Variants in CAB39L observed in about 807,000 individuals in gnomAD.
CAB39L encodes calcium binding protein 39 like, also known as calcium-binding protein 39-like.
Under a neutral mutation model 39.1 loss-of-function variants are expected in CAB39L, and 23 were observed. The ratio of observed to expected loss-of-function variants is 0.59; its 90% CI spans 0.42 to 0.83. The LOEUF is 0.83. Among genes scored for constraint, CAB39L ranks in the 40% least tolerant of loss-of-function variants. The pLI is 0.00. For synonymous variants in CAB39L, 126 were observed against 137.2 expected (o/e 0.92, Z 0.57); for missense variants, 366 against 391.9 (o/e 0.93, Z 0.56).
rs565776897 is a variant in CAB39L at position 49,385,966 on chromosome 13, T to C, written c.-31-3025A>G. 5.3e-5 allele frequency among the ~76,000 whole-genome samples: 8 copies of C among 152,148 alleles called. No homozygotes were observed. In the East Asian group the frequency reaches 1.4e-3, roughly 26 times the overall value. ...GGTGAAAAAAATGGCACCAATAGAC[T>C]TCCTCAATGCAGGGTTGCCATAAAC... On this transcript the variant is annotated intron_variant, in intron 3 of 10. Transcript: ENST00000409308.
At chr13:49,411,880 A>T (rs895898906) in intron 3 of CAB39L, among the ~76,000 whole-genome samples, 3 of 152,168 alleles carry the variant, frequency 2.0e-5, no homozygotes, top group African/African-American at 7.2e-5. Context: ...TTTTGGGTTA[A>T]ATGAAGGTTA....
intron 3 of CAB39L, among the ~76,000 whole-genome samples, chr13:49,406,605 C>T (rs1172845471): frequency 1.3e-5 from 2 of 151,884 alleles, no homozygotes; most frequent in Non-Finnish European, 2.9e-5. Flanking sequence ...TAAATATATA[C>T]ACCTACTATG....
intron 3 of CAB39L, among the ~76,000 whole-genome samples, chr13:49,409,206 G>A (rs1453095112): frequency 6.6e-6 from 1 of 152,090 alleles, no homozygotes; most frequent in Non-Finnish European, 1.5e-5. Context: ...AGCCCTTCCG[G>A]GAAACTGGTA....
intron 3 of CAB39L, among the ~76,000 whole-genome samples, chr13:49,421,186 T>C (rs542730206): frequency 7.2e-4 from 109 of 152,212 alleles, no homozygotes; most frequent in African/African-American, 2.5e-3. Context: ...GCAAAGAAAC[T>C]GCCTCCCCTC....
chr13:49,407,534 TC>T (rs138151369), intron 3 of CAB39L, among the ~76,000 whole-genome samples: 9 of 150,026 alleles, frequency 6.0e-5, no homozygotes, highest in African/African-American at 9.8e-5. Context: ...TTTGTCATGA[TC>T]CCCCCCCAAA....
chr13:49,428,769 T>C (rs960960611), intron 3 of CAB39L, among the ~76,000 whole-genome samples: 5 of 152,132 alleles, frequency 3.3e-5, no homozygotes, highest in Admixed American at 2.0e-4. Flanking sequence ...GAAAAATAAG[T>C]ATGTGGCATT....
At chr13:49,378,488 A>G (rs1956155181) in intron 4 of CAB39L, among the ~76,000 whole-genome samples, 1 of 54,896 alleles carries the variant, frequency 1.8e-5, no homozygotes, top group Non-Finnish European at 3.4e-5. Flanking sequence ...CCCTACTGGG[A>G]AGTGAGGAGC....
At chr13:49,368,413 C>T (rs773464320) in intron 5 of CAB39L, among the ~76,000 whole-genome samples, 1 of 152,168 alleles carries the variant, frequency 6.6e-6, no homozygotes, top group Non-Finnish European at 1.5e-5. Context: ...CTACATTACA[C>T]GTTAATCTTT....
rs115227447 is a variant in CAB39L, at chr13:49,425,452, T to G, written c.-32+7866A>C. On this transcript the variant is annotated intron_variant, in intron 3 of 10. Transcript: ENST00000409308. ...ATGTCTATACACACGTATATAGAGATGAGTATAAAAGTTCAGTTGTGCATT... is the reference window on the plus strand; with the variant it reads ...ATGTCTATACACACGTATATAGAGAGGAGTATAAAAGTTCAGTTGTGCATT... 5.1e-3 allele frequency among the ~76,000 whole-genome samples: 783 copies of G among 152,240 alleles called. 6 individuals are homozygous for G. Among genetic ancestry groups the G allele is most frequent in the African/African-American group, 0.018 (739 of 41,550 alleles).
chr13:49,338,786 T>C (rs1358556062), intron 9 of CAB39L, among the ~76,000 whole-genome samples: 2 of 152,202 alleles, frequency 1.3e-5, no homozygotes, highest in Admixed American at 1.3e-4. Context: ...AATGACCATG[T>C]TTCATATTTC....
At chr13:49,392,639 C>A (rs1956514377) in intron 3 of CAB39L, among the ~76,000 whole-genome samples, 1 of 151,588 alleles carries the variant, frequency 6.6e-6, no homozygotes, top group African/African-American at 2.4e-5. Flanking sequence ...AAGACTCTGT[C>A]TCAAAAAAAA....
intron 9 of CAB39L, among the ~76,000 whole-genome samples, chr13:49,334,457 C>T (rs1198361638): frequency 6.6e-6 from 1 of 152,184 alleles, no homozygotes; most frequent in Admixed American, 6.5e-5. Context: ...TGTGGCTTTA[C>T]TTCCCCAGCT....
intron 10 of CAB39L, among the ~76,000 whole-genome samples, chr13:49,318,774 C>A (rs1954263158): frequency 6.6e-6 from 1 of 151,230 alleles, no homozygotes; most frequent in African/African-American, 2.4e-5. Flanking sequence ...TACCATATTA[C>A]CGAGCAACTC....
chr13:49,354,883 T>C (rs1392215883), intron 6 of CAB39L, among the ~76,000 whole-genome samples: 1 of 152,178 alleles, frequency 6.6e-6, no homozygotes, highest in Non-Finnish European at 1.5e-5. Context: ...AGAAGAATGA[T>C]CTTGTGCAAG....
chr13:49,362,665 TA>T (rs1955668189), intron 5 of CAB39L, among the ~76,000 whole-genome samples: 2 of 151,536 alleles, frequency 1.3e-5, no homozygotes, highest in South Asian at 2.1e-4. Flanking sequence ...GAAAAAGAGA[TA>T]GGGGTAGAAA....
In CAB39L at chr13:49,377,117, C is replaced by A; in HGVS notation, c.126G>T (p.Val42=). ...CTTTCATTGCTTGCAGTGATTTAGACACTTCTTCTGAAGCCTAGTGACCAA... is the reference window on the plus strand; with the variant it reads ...CTTTCATTGCTTGCAGTGATTTAGAAACTTCTTCTGAAGCCTAGTGACCAA... ...DKKTDKASEE[V]SKSLQAMKEI... The change falls in exon 5 of 11, where the codon GTG becomes GTT. Residue 42 remains valine, a synonymous_variant. Transcript: ENST00000409308. 1 of 1,613,496 alleles carries A rather than the reference C, an allele frequency of 6.2e-7. No homozygotes were observed. The highest frequency in any genetic ancestry group is 1.1e-5 in the South Asian group (1 of 91,006).
intron 9 of CAB39L, among the ~76,000 whole-genome samples, chr13:49,337,264 AG>A (rs1954874738): frequency 6.6e-6 from 1 of 152,254 alleles, no homozygotes; most frequent in African/African-American, 2.4e-5. Context: ...TCCCAAACCT[AG>A]AAAAAATAGG....
intron 9 of CAB39L, among the ~76,000 whole-genome samples, chr13:49,334,316 T>C (rs1566070065): frequency 6.6e-6 from 1 of 152,132 alleles, no homozygotes; most frequent in Non-Finnish European, 1.5e-5. Flanking sequence ...AACAAGCAAA[T>C]TCCTAGATTC....
chr13:49,418,055 T>G (rs1217495465), intron 3 of CAB39L, among the ~76,000 whole-genome samples: 1 of 151,950 alleles, frequency 6.6e-6, no homozygotes, highest in East Asian at 1.9e-4. Context: ...TAGGTTTATA[T>G]CCAAGAGAAA....
Sources: allele counts gnomAD v4.1 joint callset (sites outside exome capture counted in the v4.1 genomes callset), GRCh38; gene constraint gnomAD v4.1.1; transcripts MANE v1.5; gene names NCBI Gene and HGNC (gene_info 2026-07-23, HGNC 2026-07-21).